XRCC4: variants seen among roughly 807,000 people sequenced by gnomAD.
The protein encoded by XRCC4 is X-ray repair cross complementing 4.
A neutral mutation model predicts 39.1 loss-of-function variants in XRCC4; 28 were observed. The ratio of observed to expected loss-of-function variants is 0.72; its 90% CI spans 0.53 to 0.98. The LOEUF (loss-of-function observed/expected upper bound fraction) is 0.98. XRCC4 is among the 50% of genes least tolerant of loss of function. The probability of loss-of-function intolerance (pLI) is 0.00; values close to 1 mark genes in which losing one functional copy is unlikely to be tolerated. For synonymous variants in XRCC4, 123 were observed against 126.4 expected (o/e 0.97, Z 0.18); for missense variants, 350 against 376.4 (o/e 0.93, Z 0.58).
the XRCC4 span, among the ~76,000 whole-genome samples, chr5:83,368,083 A>T: frequency 9.2e-5 from 14 of 151,896 alleles, no homozygotes; most frequent in African/African-American, 3.4e-4. Context: ...ATAAGAAAAA[A>T]AAAAAAGGAG....
chr5:83,147,900 C>T (rs1456498296), intron 3 of XRCC4, among the ~76,000 whole-genome samples: 4 of 151,654 alleles, frequency 2.6e-5, no homozygotes, highest in South Asian at 2.1e-4. Flanking sequence ...AAGTGATTCT[C>T]GTGTCTCGGC....
intron 3 of XRCC4, among the ~76,000 whole-genome samples, chr5:83,175,711 C>T (rs1452504284): frequency 6.6e-5 from 10 of 152,080 alleles, no homozygotes; most frequent in East Asian, 1.9e-4. Context: ...TGGGTTCAAT[C>T]GATTCTCCTG....
At chr5:83,138,171 CAT>C (rs1747990874) in intron 3 of XRCC4, among the ~76,000 whole-genome samples, 1 of 152,148 alleles carries the variant, frequency 6.6e-6, no homozygotes, top group Admixed American at 6.5e-5. Context: ...GGGCCTCAAA[CAT>C]ATGCTTCTGA....
chr5:83,158,090 A>G (rs950659795), intron 3 of XRCC4, among the ~76,000 whole-genome samples: 11 of 152,074 alleles, frequency 7.2e-5, no homozygotes, highest in Admixed American at 4.6e-4. Flanking sequence ...CTTAATGCTT[A>G]TATGAGATTT....
intron 6 of XRCC4, among the ~76,000 whole-genome samples, chr5:83,230,936 G>T (rs549449459): frequency 6.6e-6 from 1 of 151,666 alleles, no homozygotes; most frequent in East Asian, 1.9e-4. Flanking sequence ...TTTGCATAGG[G>T]TTGCTCGTGT....
intron 3 of XRCC4, among the ~76,000 whole-genome samples, chr5:83,114,514 C>T (rs1317625585): frequency 6.6e-6 from 1 of 152,198 alleles, no homozygotes; most frequent in Admixed American, 6.5e-5. Context: ...CTTTGCATAG[C>T]AAGAGTGACC....
intron 3 of XRCC4, among the ~76,000 whole-genome samples, chr5:83,190,016 G>T (rs1415644345): frequency 6.6e-6 from 1 of 152,002 alleles, no homozygotes; most frequent in South Asian, 2.1e-4. Context: ...ATGAGCCAGG[G>T]TCATGCCAGT....
At chr5:83,348,586 C>G (rs1243902303) in intron 7 of XRCC4, among the ~76,000 whole-genome samples, 2 of 152,220 alleles carry the variant, frequency 1.3e-5, no homozygotes, top group Non-Finnish European at 2.9e-5. Context: ...GCCCACAAAA[C>G]CATTCTGCCC....
intron 3 of XRCC4, among the ~76,000 whole-genome samples, chr5:83,117,306 A>G (rs1746770545): frequency 6.6e-6 from 1 of 152,136 alleles, no homozygotes; most frequent in South Asian, 2.1e-4. Flanking sequence ...CTCACACAAG[A>G]GATCATTTGT....
At chr5:83,321,589 T>A (rs1756076226) in intron 7 of XRCC4, among the ~76,000 whole-genome samples, 1 of 152,182 alleles carries the variant, frequency 6.6e-6, no homozygotes, top group Admixed American at 6.6e-5. Context: ...TTTCAAATTA[T>A]TGTTAATCTC....
chr5:83,186,037 G>A (rs756207009), intron 3 of XRCC4, among the ~76,000 whole-genome samples: 5 of 152,076 alleles, frequency 3.3e-5, no homozygotes, highest in Middle Eastern at 3.2e-3. Context: ...CTTACTATGA[G>A]CATAGAGCTT....
At position 83,353,340 on chromosome 5, in the gene XRCC4, G is replaced by A. The variant is rs540081096; in HGVS notation, c.*98G>A. 54 of 916,896 alleles carry A rather than the reference G, an allele frequency of 5.9e-5. No individual in the cohort carries two copies. The highest frequency in any genetic ancestry group is 1.3e-4 in the East Asian group (5 of 37,980). The allele number at this position is 916,896 out of a possible 1,614,324, so 56.8% of individuals were successfully genotyped here. A position where few individuals can be genotyped will look rare whatever the true frequency, so the allele number is the denominator to read the frequency against. ...TTTCAAGTCAGCAGCCGCTATTACC[G>A]TATCTTACAATTTAATTACATACAC... is the stretch of plus-strand genomic sequence containing the variant. On this transcript the variant is annotated 3_prime_UTR_variant, in exon 8 of 8. Transcript: ENST00000396027.
chr5:83,188,575 G>T (rs1408244069), intron 3 of XRCC4, among the ~76,000 whole-genome samples: 1 of 151,984 alleles, frequency 6.6e-6, no homozygotes, highest in Non-Finnish European at 1.5e-5. Context: ...AAGAAGCATG[G>T]TGCCAGTGTC....
chr5:83,214,822 G>A (rs1204370777), intron 6 of XRCC4, among the ~76,000 whole-genome samples: 2 of 139,278 alleles, frequency 1.4e-5, no homozygotes, highest in Admixed American at 7.9e-5. Context: ...GGGCGACAGA[G>A]CAAGACTCCT....
At chr5:83,307,524 AAG>A (rs1327970436) in intron 7 of XRCC4, among the ~76,000 whole-genome samples, 5 of 152,190 alleles carry the variant, frequency 3.3e-5, no homozygotes, top group Non-Finnish European at 7.4e-5. Context: ...AAAGTCTTTT[AAG>A]AGACTCGTAA....
chr5:83,273,555 C>T (rs760881086), intron 7 of XRCC4, among the ~76,000 whole-genome samples: 16 of 152,050 alleles, frequency 1.1e-4, no homozygotes, highest in Non-Finnish European at 2.4e-4. Flanking sequence ...TTAGGTTTTA[C>T]GTTTAAGTCT....
At chr5:83,273,953 A>G (rs375305218) in intron 7 of XRCC4, among the ~76,000 whole-genome samples, 2 of 151,682 alleles carry the variant, frequency 1.3e-5, no homozygotes, top group African/African-American at 4.8e-5. Context: ...CTGAGTTATC[A>G]CTACTTTTCT....
intron 1 of XRCC4, among the ~76,000 whole-genome samples, chr5:83,097,424 A>G (rs1745728954): frequency 1.3e-5 from 2 of 151,882 alleles, no homozygotes; most frequent in African/African-American, 4.8e-5. Context: ...AGAAATAGGC[A>G]GATAAATGGG....
intron 3 of XRCC4, among the ~76,000 whole-genome samples, chr5:83,111,482 A>G (rs1746442876): frequency 6.6e-6 from 1 of 152,100 alleles, no homozygotes; most frequent in Non-Finnish European, 1.5e-5. Context: ...ATAATCTTGA[A>G]AAAGGTGAGA....
Sources: gnomAD v4.1 joint callset for allele counts (sites outside exome capture counted in the v4.1 genomes callset) on GRCh38, gnomAD v4.1.1 for gene constraint, MANE v1.5 for transcripts, NCBI Gene and HGNC (gene_info 2026-07-23, HGNC 2026-07-21) for gene names.